The following BBS4 variants were observed in gnomAD, a reference collection of about 807,000 sequenced individuals.
BBS4 encodes the protein Bardet-Biedl syndrome 4.
BBS4 carries 58 observed loss-of-function variants against 71.4 expected under a neutral mutation model. The ratio of observed to expected loss-of-function variants is 0.81; its 90% CI spans 0.66 to 1.01. The LOEUF (loss-of-function observed/expected upper bound fraction) is 1.01. Ranked by LOEUF, BBS4 falls within the 50% of genes least tolerant of loss-of-function variation. The pLI, the probability that BBS4 is intolerant of heterozygous loss-of-function variation, is 0.00. For synonymous variants in BBS4, 228 were observed against 216.8 expected (o/e 1.05, Z -0.46); for missense variants, 660 against 607.9 (o/e 1.09, Z -0.90).
At chr15:72,706,119 C>CT (rs1287251814) in intron 2 of BBS4, among the ~76,000 whole-genome samples, 3 of 151,922 alleles carry the variant, frequency 2.0e-5, no homozygotes, top group Non-Finnish European at 2.9e-5. Context: ...TAGTAAGCTA[C>CT]TTGTCCCAGA....
At chr15:72,707,753 T>C (rs1254988914) in intron 2 of BBS4, among the ~76,000 whole-genome samples, 1 of 152,224 alleles carries the variant, frequency 6.6e-6, no homozygotes, top group Admixed American at 6.5e-5. Context: ...AAAGTAATTC[T>C]TAATGAATTT....
At chr15:72,695,013 A>T (rs1023619790) in intron 1 of BBS4, among the ~76,000 whole-genome samples, 164 bp from the exon 2 acceptor site, 1 of 152,182 alleles carries the variant, frequency 6.6e-6, no homozygotes, top group African/African-American at 2.4e-5. Flanking sequence ...ATGACTTGAC[A>T]TTTGTTTTTT....
At chr15:72,704,058 A>T (rs1312666213) in intron 2 of BBS4, among the ~76,000 whole-genome samples, 1 of 152,192 alleles carries the variant, frequency 6.6e-6, no homozygotes, top group Non-Finnish European at 1.5e-5. Flanking sequence ...GGGGGAAGAG[A>T]TGTTACAAAA....
In BBS4 at chr15:72,729,660, G is replaced by A. The variant is rs1252214529; in HGVS notation, c.687G>A (p.Leu229=). 1.2e-6 allele frequency: 2 copies of A among 1,614,066 alleles called. No individual in the cohort carries two copies. The highest frequency in any genetic ancestry group is 1.7e-6 in the Non-Finnish European group (2 of 1,180,000). Residue 229 remains leucine, a synonymous_variant, in exon 10 of 16, where the codon CTG becomes CTA. Transcript: ENST00000268057. ...QKAFEHLGNA[L]TYDPTNYKAI... is the part of the protein sequence containing the mutation. The stretch of plus-strand genomic sequence containing the variant: ...CATTTGAACATCTTGGCAATGCACT[G>A]ACTTATGACCCTACCAACTACAAGG...
At position 72,738,225 on chromosome 15, in the gene BBS4, A is replaced by G; in HGVS notation, c.*638A>G. The G allele has an allele frequency of 2.2e-6, 1 of 453,868 alleles. No homozygotes were observed. The highest frequency in any genetic ancestry group is 1.6e-5 in the South Asian group (1 of 64,422). The allele number at this position is 453,868 out of a possible 1,614,324, so 28.1% of individuals were successfully genotyped here. On this transcript the variant is annotated 3_prime_UTR_variant, in exon 16 of 16. Coordinates refer to ENST00000268057, the MANE Select transcript of BBS4 (RefSeq NM_033028.5). ...TGAGAGGGGTCAGTCTAGAAGCTAG[A>G]TCCTATCAGGATGAGGAGCAGCAGC...
At chr15:72,715,193 G>C in intron 4 of BBS4, 98 bp from the exon 5 acceptor site, 1 of 806,704 alleles carries the variant, frequency 1.2e-6, no homozygotes, top group Middle Eastern at 2.2e-4. Context: ...TACTTGATGT[G>C]GTTTCCCAGT....
chr15:72,720,486 CAAA>C (rs60677539), intron 6 of BBS4, among the ~76,000 whole-genome samples: 1,596 of 121,410 alleles, frequency 0.013, 19 homozygotes, highest in African/African-American at 0.042. Flanking sequence ...GACCCTGTCT[CAAA>C]AAAAAAAAAA....
intron 6 of BBS4, among the ~76,000 whole-genome samples, chr15:72,720,414 G>A (rs2151029477): frequency 6.6e-6 from 1 of 151,754 alleles, no homozygotes; most frequent in Middle Eastern, 3.4e-3. Context: ...AGGAGGTTGA[G>A]GCTGCAGTGA....
At chr15:72,691,439 C>G (rs1370179178) in intron 1 of BBS4, among the ~76,000 whole-genome samples, 1 of 152,096 alleles carries the variant, frequency 6.6e-6, no homozygotes, top group Non-Finnish European at 1.5e-5. Flanking sequence ...TTTCCTTCCT[C>G]CACATCAGAT....
At chr15:72,686,355 G>A (rs1404605161) in intron 1 of BBS4, 104 bp downstream of exon 1, 1 of 1,542,042 alleles carries the variant, frequency 6.5e-7, no homozygotes, top group Non-Finnish European at 8.7e-7. Context: ...GGAGCTGGGT[G>A]CCGAGCGTCT....
At chr15:72,716,401 C>G (rs1567415900) in intron 5 of BBS4, among the ~76,000 whole-genome samples, 1 of 152,148 alleles carries the variant, frequency 6.6e-6, no homozygotes, top group Non-Finnish European at 1.5e-5. Flanking sequence ...GAGACTTAGT[C>G]TTGGAAGGAA....
intron 8 of BBS4, among the ~76,000 whole-genome samples, chr15:72,725,719 C>T (rs2065661417): frequency 8.3e-6 from 1 of 120,554 alleles, no homozygotes; most frequent in African/African-American, 3.2e-5. Context: ...CCCCGTTTTC[C>T]CTTCCCCCTT....
At chr15:72,729,951 G>A (rs1282321074) in intron 10 of BBS4, among the ~76,000 whole-genome samples, 1 of 152,142 alleles carries the variant, frequency 6.6e-6, no homozygotes, top group African/African-American at 2.4e-5. Context: ...TGTTACTTAG[G>A]AAATTAGCAA....
At chr15:72,737,091 G>A in intron 15 of BBS4, 128 bp downstream of exon 15, 2 of 1,195,392 alleles carry the variant, frequency 1.7e-6, no homozygotes, top group Non-Finnish European at 1.2e-6. Flanking sequence ...GCCACAAGGG[G>A]AGAAAAAAAA....
intron 1 of BBS4, 77 bp from the exon 2 acceptor site, chr15:72,695,097 ATTC>A: frequency 1.0e-6 from 1 of 971,926 alleles, no homozygotes; most frequent in Non-Finnish European, 1.6e-6. Flanking sequence ...GCTACTGATT[ATTC>A]TTGTTATTTG....
At chr15:72,705,034 T>G (rs1405535322) in intron 2 of BBS4, among the ~76,000 whole-genome samples, 2 of 152,196 alleles carry the variant, frequency 1.3e-5, no homozygotes, top group Admixed American at 6.5e-5. Flanking sequence ...AGAATGAGTA[T>G]TTTATTTCCT....
Position 72,716,788 on chromosome 15 carries a change from G to C in BBS4, c.343G>C (p.Gly115Arg). The change falls in exon 6 of 16, where the codon GGA becomes CGA. Residue 115 changes from glycine (G) to arginine (R), a missense_variant. Transcript: ENST00000268057. ...KQVARSLFLL[G>R]KHKAAIEVYN... ...ATATATCTTTTACAGATTTCTTTTG[G>C]GAAAACATAAAGCTGCCATTGAAGT... 6.2e-7 allele frequency: 1 copy of C among 1,608,374 alleles called. No homozygotes were observed. Among genetic ancestry groups the C allele is most frequent in the Non-Finnish European group, 8.5e-7 (1 of 1,177,104 alleles).
At chr15:72,729,556 G>T in intron 9 of BBS4, 60 bp from the exon 10 acceptor site, 2 of 1,542,622 alleles carry the variant, frequency 1.3e-6, no homozygotes, top group South Asian at 2.2e-5. Flanking sequence ...GGTCTGGCCA[G>T]ACTCTTTTAA....
Position 72,737,875 on chromosome 15 carries a change from A to G in BBS4, c.*288A>G, listed in dbSNP as rs904098307. ...CCTTATGTATGTAGCTGAGTCAGCAAGGTACATGATGCTGTCTGCTTTCAA... is the reference window on the plus strand; with the variant it reads ...CCTTATGTATGTAGCTGAGTCAGCAGGGTACATGATGCTGTCTGCTTTCAA... On this transcript the variant is annotated 3_prime_UTR_variant, in exon 16 of 16. Transcript: ENST00000268057. The G allele has an allele frequency of 8.4e-6, 4 of 475,734 alleles. No homozygotes were observed. Among genetic ancestry groups the G allele is most frequent in the African/African-American group, 5.9e-5 (3 of 50,870 alleles). The allele number at this position is 475,734 out of a possible 1,614,324, so 29.5% of individuals were successfully genotyped here. A position where few individuals can be genotyped will look rare whatever the true frequency, so the allele number is the denominator to read the frequency against.
Sources: gnomAD v4.1 joint callset for allele counts (sites outside exome capture counted in the v4.1 genomes callset) on GRCh38, gnomAD v4.1.1 for gene constraint, MANE v1.5 for transcripts, NCBI Gene and HGNC (gene_info 2026-07-23, HGNC 2026-07-21) for gene names.